The following ERBB4 variants were observed in gnomAD, a reference collection of about 807,000 sequenced individuals.
ERBB4 encodes the protein receptor tyrosine-protein kinase erbB-4.
In ERBB4, 42 loss-of-function variants were observed where a neutral mutation model predicts 158.0. The observed-to-expected ratio is 0.27, with a 90% CI of 0.21 to 0.34. ERBB4 has a LOEUF of 0.34. Ranked by LOEUF, ERBB4 falls within the 10% of genes least tolerant of loss-of-function variation. ERBB4 has a pLI of 1.00. For synonymous variants in ERBB4, 583 were observed against 558.7 expected, an observed-to-expected ratio of 1.04 and a Z score of -0.61; for missense variants, 1,333 against 1,624.1, an observed-to-expected ratio of 0.82 and a Z score of 3.08.
intron 27 of ERBB4, among the ~76,000 whole-genome samples, chr2:211,384,939 T>G (rs2062655655): frequency 6.6e-6 from 1 of 152,096 alleles, no homozygotes; most frequent in Non-Finnish European, 1.5e-5. Context: ...TAATTCCACA[T>G]CTATGTCTAT....
At chr2:212,000,388 T>C (rs1014449448) in intron 2 of ERBB4, among the ~76,000 whole-genome samples, 4 of 151,910 alleles carry the variant, frequency 2.6e-5, no homozygotes, top group Non-Finnish European at 5.9e-5. Flanking sequence ...GCAATATTAA[T>C]TGGATGCTAC....
intron 1 of ERBB4, among the ~76,000 whole-genome samples, chr2:212,519,803 A>C (rs750180684): frequency 2.6e-5 from 4 of 151,970 alleles, no homozygotes; most frequent in African/African-American, 9.7e-5. Context: ...AGGTTGGTTA[A>C]AGAATACAAA....
chr2:212,500,382 T>C (rs1690821263), intron 1 of ERBB4, among the ~76,000 whole-genome samples: 1 of 152,158 alleles, frequency 6.6e-6, no homozygotes, highest in South Asian at 2.1e-4. Context: ...GACAATAATT[T>C]GGTCTAGGGA....
chr2:212,079,514 T>C (rs16847657), intron 2 of ERBB4, among the ~76,000 whole-genome samples: 3,253 of 152,218 alleles, frequency 0.021, 129 homozygotes, highest in African/African-American at 0.075. Context: ...TATTTCTTGA[T>C]ATAACTACTC....
At chr2:212,178,684 A>C (rs2081756766) in intron 1 of ERBB4, among the ~76,000 whole-genome samples, 1 of 151,732 alleles carries the variant, frequency 6.6e-6, no homozygotes, top group Non-Finnish European at 1.5e-5. Context: ...AATGACCACT[A>C]AACTTTAAAC....
At chr2:212,172,808 G>C (rs1304731741) in intron 1 of ERBB4, among the ~76,000 whole-genome samples, 1 of 151,904 alleles carries the variant, frequency 6.6e-6, no homozygotes, top group Admixed American at 6.6e-5. Context: ...AAAGGGAGGG[G>C]GTCAGGAAGA....
At chr2:212,377,967 T>G (rs186986558) in intron 1 of ERBB4, among the ~76,000 whole-genome samples, 88 of 147,180 alleles carry the variant, frequency 6.0e-4, no homozygotes, top group African/African-American at 2.2e-3. Flanking sequence ...TATCTTTTAA[T>G]TTTTTTTTGT....
chr2:212,352,576 T>C (rs2089298818), intron 1 of ERBB4, among the ~76,000 whole-genome samples: 1 of 152,050 alleles, frequency 6.6e-6, no homozygotes, highest in African/African-American at 2.4e-5. Context: ...TAAAATGAAT[T>C]TAATGAACTG....
chr2:211,756,014 T>A (rs1261692341), intron 4 of ERBB4, among the ~76,000 whole-genome samples: 1 of 152,214 alleles, frequency 6.6e-6, no homozygotes, highest in Non-Finnish European at 1.5e-5. Context: ...AGTGAGAGAA[T>A]AATACCTTTT....
At chr2:211,413,030 T>C (rs1460467912) in intron 25 of ERBB4, among the ~76,000 whole-genome samples, 2 of 151,528 alleles carry the variant, frequency 1.3e-5, no homozygotes, top group African/African-American at 4.8e-5. Flanking sequence ...GTGCTGTGGC[T>C]CACGCTTGTA....
intron 3 of ERBB4, among the ~76,000 whole-genome samples, chr2:211,802,261 A>G (rs1023897747): frequency 7.2e-5 from 6 of 83,532 alleles, no homozygotes; most frequent in Admixed American, 1.1e-4. Context: ...TCAGTCTCCA[A>G]CAAAAAAAAA....
chr2:211,392,863 G>T (rs1367115861), intron 25 of ERBB4, among the ~76,000 whole-genome samples: 1 of 151,872 alleles, frequency 6.6e-6, no homozygotes, highest in East Asian at 1.9e-4. Context: ...CACTATCTTG[G>T]CCAGGCTGGT....
intron 1 of ERBB4, among the ~76,000 whole-genome samples, chr2:212,484,272 T>G (rs1200457645): frequency 1.3e-5 from 2 of 152,226 alleles, no homozygotes; most frequent in Non-Finnish European, 2.9e-5. Flanking sequence ...CAGTCTTCCC[T>G]AAACTCAAAG....
intron 2 of ERBB4, among the ~76,000 whole-genome samples, chr2:212,079,132 T>A (rs2078359681): frequency 6.6e-6 from 1 of 151,312 alleles, no homozygotes; most frequent in South Asian, 2.1e-4. Context: ...AATTTTTATA[T>A]ATATGTATCA....
At chr2:212,533,398 G>C (rs1692862301) in intron 1 of ERBB4, among the ~76,000 whole-genome samples, 1 of 152,216 alleles carries the variant, frequency 6.6e-6, no homozygotes, top group East Asian at 1.9e-4. Flanking sequence ...AGGCAGAGAA[G>C]CCAAGTCACA....
At chr2:211,985,395 C>G (rs1521546) in intron 2 of ERBB4, among the ~76,000 whole-genome samples, 12,982 of 152,168 alleles carry the variant, frequency 0.085, 773 homozygotes, top group Non-Finnish European at 0.13. Flanking sequence ...TGTAATACTT[C>G]TGTTAAGTAC....
chr2:212,244,568 G>A (rs1232489543), intron 1 of ERBB4, among the ~76,000 whole-genome samples: 2 of 152,118 alleles, frequency 1.3e-5, no homozygotes, highest in African/African-American at 4.8e-5. Context: ...AAAGAGAGAC[G>A]TCTAGGAGAA....
intron 2 of ERBB4, among the ~76,000 whole-genome samples, chr2:211,971,371 C>G (rs2081447310): frequency 6.6e-6 from 1 of 152,030 alleles, no homozygotes; most frequent in Non-Finnish European, 1.5e-5. Context: ...AAACTGAATC[C>G]ATGAACAGAC....
At chr2:211,719,868 G>GAAAAAAAA (rs56887696) in intron 7 of ERBB4, among the ~76,000 whole-genome samples, 1 of 76,748 alleles carries the variant, frequency 1.3e-5, no homozygotes, top group African/African-American at 3.7e-5. Context: ...ACAAAGAAAA[G>GAAAAAAAA]AAAAAAAAAA....
Sources: gnomAD v4.1 joint callset for allele counts (sites outside exome capture counted in the v4.1 genomes callset) on GRCh38, gnomAD v4.1.1 for gene constraint, MANE v1.5 for transcripts, NCBI Gene and HGNC (gene_info 2026-07-23, HGNC 2026-07-21) for gene names.